Variants in GRIA2 observed in about 807,000 individuals in gnomAD.
GRIA2 encodes glutamate ionotropic receptor AMPA type subunit 2.
A neutral mutation model predicts 97.3 loss-of-function variants in GRIA2; 14 were observed. That is an observed-to-expected ratio of 0.14 (90% CI 0.10 to 0.23). The LOEUF (loss-of-function observed/expected upper bound fraction) is 0.23. Among genes scored for constraint, GRIA2 ranks in the 10% least tolerant of loss-of-function variants. The pLI is 1.00. For synonymous variants in GRIA2, 412 were observed against 387.8 expected (o/e 1.06, Z -0.73); for missense variants, 558 against 1,069.8 (o/e 0.52, Z 6.67).
At chr4:157,324,107 G>A (rs1392423777) in intron 6 of GRIA2, among the ~76,000 whole-genome samples, 1 of 152,144 alleles carries the variant, frequency 6.6e-6, no homozygotes, top group Non-Finnish European at 1.5e-5. Context: ...GGAAACATAG[G>A]TGCCTATAAG....
intron 2 of GRIA2, among the ~76,000 whole-genome samples, chr4:157,258,730 C>T (rs969523845): frequency 4.6e-5 from 7 of 151,960 alleles, no homozygotes; most frequent in Non-Finnish European, 1.0e-4. Flanking sequence ...ACAGAACCTG[C>T]CAACATGTGA....
At chr4:157,248,642 T>A (rs1197673833) in intron 2 of GRIA2, among the ~76,000 whole-genome samples, 19 of 142,660 alleles carry the variant, frequency 1.3e-4, no homozygotes, top group Admixed American at 1.3e-3. Context: ...TATACACCTG[T>A]ATATATATAC....
At chr4:157,310,576 T>C (rs894921333) in intron 3 of GRIA2, among the ~76,000 whole-genome samples, 1 of 152,018 alleles carries the variant, frequency 6.6e-6, no homozygotes, top group African/African-American at 2.4e-5. Flanking sequence ...CATCCTGCCA[T>C]CTCATCTGTA....
At chr4:157,279,822 A>G (rs949284934) in intron 2 of GRIA2, among the ~76,000 whole-genome samples, 1 of 152,068 alleles carries the variant, frequency 6.6e-6, no homozygotes, top group African/African-American at 2.4e-5. Context: ...AATCTCTTCT[A>G]TTATTAAAAA....
chr4:157,236,185 T>G (rs1229987255), intron 2 of GRIA2, among the ~76,000 whole-genome samples: 1 of 152,044 alleles, frequency 6.6e-6, no homozygotes, highest in Non-Finnish European at 1.5e-5. Context: ...ATGCAGAAAA[T>G]TTTAATTTAG....
chr4:157,336,035 G>C (rs1157057344), intron 10 of GRIA2, among the ~76,000 whole-genome samples, 158 bp downstream of exon 10: 4 of 152,058 alleles, frequency 2.6e-5, no homozygotes, highest in Admixed American at 2.6e-4. Flanking sequence ...GAAAGATTAA[G>C]ATTGAAGCCA....
intron 12 of GRIA2, among the ~76,000 whole-genome samples, chr4:157,355,610 ATATT>A (rs1736223958): frequency 7.3e-6 from 1 of 137,494 alleles, no homozygotes; most frequent in South Asian, 2.2e-4. Context: ...ATATTTATAT[ATATT>A]TATTTATATA....
At chr4:157,339,516 A>G (rs1190303674) in intron 11 of GRIA2, among the ~76,000 whole-genome samples, 3 of 151,974 alleles carry the variant, frequency 2.0e-5, no homozygotes, top group Non-Finnish European at 1.5e-5. Flanking sequence ...TATAAGTCCA[A>G]TAAAAATTTT....
rs778477548 is a variant in GRIA2 at position 157,336,538 on chromosome 4, G to A, written c.1635G>A (p.Glu545=). The change falls in exon 11 of 16, where the codon GAG becomes GAA. Residue 545 remains glutamate, a synonymous_variant. Transcript: ENST00000264426. ...CCTTTCTTGATCCTTTAGCCTATGA[G>A]ATCTGGATGTGCATTGTTTTTGCCT... ...VFSFLDPLAY[E]IWMCIVFAYI... 9 of 1,613,424 alleles carry A rather than the reference G, an allele frequency of 5.6e-6. No individual in the cohort carries two copies. In the Admixed American group the frequency reaches 1.3e-4, roughly 24 times the overall value.
intron 3 of GRIA2, among the ~76,000 whole-genome samples, chr4:157,312,094 C>CA (rs144170351): frequency 0.019 from 2,858 of 150,096 alleles, 93 homozygotes; most frequent in African/African-American, 0.065. Context: ...TTCCCAATAA[C>CA]AAAAAAAATA....
chr4:157,267,491 A>C (rs1731825783), intron 2 of GRIA2, among the ~76,000 whole-genome samples: 2 of 152,050 alleles, frequency 1.3e-5, no homozygotes, highest in Admixed American at 1.3e-4. Context: ...GTTTCTGCTA[A>C]CATTTTTGTT....
chr4:157,322,828 G>C (rs538718347), intron 6 of GRIA2, among the ~76,000 whole-genome samples: 1 of 152,302 alleles, frequency 6.6e-6, no homozygotes, highest in African/African-American at 2.4e-5. Flanking sequence ...ATGCATCATA[G>C]AGATGTTGTT....
chr4:157,275,651 T>G (rs1172455457), intron 2 of GRIA2, among the ~76,000 whole-genome samples: 1 of 152,196 alleles, frequency 6.6e-6, no homozygotes, highest in Non-Finnish European at 1.5e-5. Context: ...CTTGTTTTTG[T>G]CAGGCTTGTC....
In GRIA2 at chr4:157,347,018, ATTTCAGCTAACG is replaced by A. The variant is rs1735793119; in HGVS notation, c.2043+5559_2043+5570del. On this transcript the variant is annotated intron_variant, in intron 12 of 15. Transcript: ENST00000264426. ...CCTTCAGTAGAACCCATGATCTCTGATTTCAGCTAACGTTAGCTGGGTTAACAATACAGGAAG... is the reference window on the plus strand; with the variant it reads ...CCTTCAGTAGAACCCATGATCTCTGATTAGCTGGGTTAACAATACAGGAAG... Among the ~76,000 whole-genome samples the A allele has an allele frequency of 5.3e-5, 8 of 152,304 alleles. No individual in the cohort carries two copies. The South Asian group carries it at 1.7e-3, about 32-fold the overall frequency.
intron 11 of GRIA2, among the ~76,000 whole-genome samples, chr4:157,339,081 T>A (rs999532249): frequency 5.3e-5 from 8 of 152,004 alleles, no homozygotes; most frequent in African/African-American, 1.9e-4. Context: ...CTCATTTTTC[T>A]GAAATTAAGT....
At chr4:157,274,696 C>A (rs1209983949) in intron 2 of GRIA2, among the ~76,000 whole-genome samples, 1 of 151,638 alleles carries the variant, frequency 6.6e-6, no homozygotes, top group African/African-American at 2.4e-5. Flanking sequence ...AGGACATGAA[C>A]TCATCATTTT....
chr4:157,246,562 T>C (rs1236223985), intron 2 of GRIA2, among the ~76,000 whole-genome samples: 1 of 152,136 alleles, frequency 6.6e-6, no homozygotes, highest in Non-Finnish European at 1.5e-5. Flanking sequence ...ATATAGACTA[T>C]CGACTGGATA....
chr4:157,317,737 A>G (rs1203599327), intron 5 of GRIA2, 26 bp downstream of exon 5: 1 of 881,660 alleles, frequency 1.1e-6, no homozygotes, highest in South Asian at 1.4e-5. Flanking sequence ...GGTATATATT[A>G]TTTTACTAGA....
intron 2 of GRIA2, among the ~76,000 whole-genome samples, chr4:157,294,792 G>T (rs527459197): frequency 6.6e-6 from 1 of 152,000 alleles, no homozygotes; most frequent in African/African-American, 2.4e-5. Flanking sequence ...AGGATTAGAC[G>T]CCAGGCCTGC....
Sources: allele counts gnomAD v4.1 joint callset (sites outside exome capture counted in the v4.1 genomes callset), GRCh38; gene constraint gnomAD v4.1.1; transcripts MANE v1.5; gene names NCBI Gene and HGNC (gene_info 2026-07-23, HGNC 2026-07-21).